The following RYR3 variants were observed in gnomAD, a reference collection of about 807,000 sequenced individuals.
RYR3 encodes the protein brain ryanodine receptor-calcium release channel.
Under a neutral mutation model 584.3 loss-of-function variants are expected in RYR3, and 207 were observed. The ratio of observed to expected loss-of-function variants is 0.35; its 90% CI spans 0.32 to 0.40. The LOEUF is 0.40. Among genes scored for constraint, RYR3 ranks in the 10% least tolerant of loss-of-function variants. RYR3 has a pLI of 1.00. For synonymous variants in RYR3, 2,416 were observed against 2,248.5 expected (o/e 1.07, Z -2.11); for missense variants, 5,616 against 6,089.2 (o/e 0.92, Z 2.59).
chr15:33,821,751 G>C, intron 80 of RYR3, 149 bp downstream of exon 80: 1 of 674,972 alleles, frequency 1.5e-6, no homozygotes, highest in African/African-American at 1.8e-5. Flanking sequence ...AGTTATATCA[G>C]AGTAGCTGGG....
chr15:33,741,277 C>T (rs2070068172), intron 51 of RYR3, among the ~76,000 whole-genome samples: 2 of 152,170 alleles, frequency 1.3e-5, no homozygotes, highest in Non-Finnish European at 2.9e-5. Flanking sequence ...GCCAACCTGG[C>T]CTTAGCACGC....
intron 1 of RYR3, among the ~76,000 whole-genome samples, chr15:33,441,968 T>C (rs886447521): frequency 2.0e-5 from 3 of 152,198 alleles, no homozygotes; most frequent in Non-Finnish European, 4.4e-5. Context: ...CAGCAAGTTA[T>C]CACTTTTTGG....
At chr15:33,526,790 A>G (rs2054428678) in intron 3 of RYR3, among the ~76,000 whole-genome samples, 1 of 152,224 alleles carries the variant, frequency 6.6e-6, no homozygotes. Context: ...TGGAGCTTAT[A>G]TTCTAGGGGG....
At chr15:33,534,402 G>A (rs1430632648) in intron 5 of RYR3, among the ~76,000 whole-genome samples, 2 of 152,086 alleles carry the variant, frequency 1.3e-5, no homozygotes, top group Non-Finnish European at 1.5e-5. Context: ...ACTTCGTCTC[G>A]AAAGAAAAAA....
At chr15:33,615,775 A>G (rs1157708635) in intron 19 of RYR3, among the ~76,000 whole-genome samples, 2 of 152,218 alleles carry the variant, frequency 1.3e-5, no homozygotes, top group Non-Finnish European at 2.9e-5. Context: ...AGCCATCAGA[A>G]GCATGTGGAA....
chr15:33,802,021 A>C, intron 69 of RYR3, 60 bp downstream of exon 69: 1 of 1,007,854 alleles, frequency 9.9e-7, no homozygotes, highest in Admixed American at 1.7e-5. Flanking sequence ...CATGACTTGG[A>C]TCTGTTTCAT....
intron 62 of RYR3, among the ~76,000 whole-genome samples, chr15:33,769,804 C>T (rs543835833): frequency 7.4e-4 from 113 of 152,034 alleles, no homozygotes; most frequent in Non-Finnish European, 1.3e-3. Context: ...CAAAAACTAG[C>T]CAGGCATGGT....
At chr15:33,458,225 C>G (rs1187219180) in intron 1 of RYR3, among the ~76,000 whole-genome samples, 1 of 152,040 alleles carries the variant, frequency 6.6e-6, no homozygotes. Context: ...AGGAGGAGAT[C>G]AATTACACTT....
chr15:33,577,372 A>G (rs2058352511), intron 12 of RYR3, among the ~76,000 whole-genome samples: 1 of 152,364 alleles, frequency 6.6e-6, no homozygotes, highest in East Asian at 1.9e-4. Context: ...AAACTATGTT[A>G]TAAGGCTACA....
chr15:33,861,292 G>C (rs1231822498), intron 102 of RYR3, 114 bp downstream of exon 102: 1 of 677,278 alleles, frequency 1.5e-6, no homozygotes, highest in East Asian at 3.0e-5. Context: ...ACTTCCAGGA[G>C]TCCCCATGAG....
At position 33,860,809 on chromosome 15, in the gene RYR3, A is replaced by C. The variant is rs543256793; in HGVS notation, c.14364+150A>C. On this transcript the variant is annotated intron_variant, in intron 101 of 103. Transcript: ENST00000634891. ...CATGCCCTGTTCTCTGCACCCTGCCATACCCCTGCCAGGCCGGCCACTCTG... is the reference window on the plus strand; with the variant it reads ...CATGCCCTGTTCTCTGCACCCTGCCCTACCCCTGCCAGGCCGGCCACTCTG... 7.0e-6 allele frequency: 5 copies of C among 709,644 alleles called. No individual in the cohort carries two copies. The East Asian group carries it at 8.1e-5, about 11-fold the overall frequency. 44.0% of individuals were successfully genotyped at this position (709,644 alleles called of 1,614,324 possible).
intron 7 of RYR3, among the ~76,000 whole-genome samples, chr15:33,541,146 A>G (rs1024059793): frequency 8.6e-5 from 13 of 152,010 alleles, no homozygotes; most frequent in African/African-American, 3.1e-4. Context: ...ACGTGTATTC[A>G]GGACTTGGAT....
chr15:33,573,101 G>A (rs904019851), intron 12 of RYR3, among the ~76,000 whole-genome samples: 1 of 133,418 alleles, frequency 7.5e-6, no homozygotes, highest in Non-Finnish European at 1.7e-5. Context: ...ATTATTTTGT[G>A]TGAGAAAAGA....
At chr15:33,515,375 A>G (rs2053419885) in intron 3 of RYR3, among the ~76,000 whole-genome samples, 1 of 152,246 alleles carries the variant, frequency 6.6e-6, no homozygotes, top group Non-Finnish European at 1.5e-5. Flanking sequence ...ATAGGGATAC[A>G]CAAATCCATG....
At chr15:33,841,244 A>C (rs1056617208) in intron 90 of RYR3, among the ~76,000 whole-genome samples, 2 of 152,176 alleles carry the variant, frequency 1.3e-5, no homozygotes, top group African/African-American at 4.8e-5. Context: ...AAAGAAAATA[A>C]AGATAGTTAT....
intron 43 of RYR3, among the ~76,000 whole-genome samples, chr15:33,713,510 T>G (rs950229775): frequency 6.9e-6 from 1 of 145,266 alleles, no homozygotes; most frequent in African/African-American, 2.5e-5. Flanking sequence ...TGAGTGATGA[T>G]GGGGGTGGTG....
rs1414610542 is a variant in RYR3, at chr15:33,696,499, A to G, written c.6134+8A>G. 1 of 1,613,674 alleles carries G rather than the reference A, an allele frequency of 6.2e-7. No individual in the cohort carries two copies. Among genetic ancestry groups the G allele is most frequent in the Non-Finnish European group, 8.5e-7 (1 of 1,179,768 alleles). On this transcript the variant is annotated splice_region_variant and intron_variant, in intron 39 of 103. Transcript: ENST00000634891. ...CATGATCAATGGGCTGGGGTAGGTG[A>G]TTCACGGTTACGTGCTGTTCTCTCT...
At chr15:33,362,519 A>G (rs560460714) in intron 1 of RYR3, among the ~76,000 whole-genome samples, 1 of 152,240 alleles carries the variant, frequency 6.6e-6, no homozygotes, top group African/African-American at 2.4e-5. Context: ...ATAAATCCAC[A>G]CATATGATTA....
chr15:33,507,384 AT>A (rs1429614157), intron 3 of RYR3, among the ~76,000 whole-genome samples: 2 of 152,182 alleles, frequency 1.3e-5, no homozygotes, highest in Admixed American at 6.5e-5. Context: ...AGCAGAGAAC[AT>A]TTTGTGCCTC....
Sources: gnomAD v4.1 joint callset for allele counts (sites outside exome capture counted in the v4.1 genomes callset) on GRCh38, gnomAD v4.1.1 for gene constraint, MANE v1.5 for transcripts, NCBI Gene and HGNC (gene_info 2026-07-23, HGNC 2026-07-21) for gene names.